Variants in LRP1B observed in about 807,000 individuals in gnomAD.
LRP1B encodes low-density lipoprotein receptor-related protein 1B.
Under a neutral mutation model 556.6 loss-of-function variants are expected in LRP1B, and 217 were observed. The ratio of observed to expected loss-of-function variants is 0.39; its 90% CI spans 0.35 to 0.44. The LOEUF (loss-of-function observed/expected upper bound fraction) is 0.44. Among genes scored for constraint, LRP1B ranks in the 20% least tolerant of loss-of-function variants. The probability of loss-of-function intolerance (pLI) is 1.00; values close to 1 mark genes in which losing one functional copy is unlikely to be tolerated. For synonymous variants in LRP1B, 2,047 were observed against 1,865.8 expected (o/e 1.10, Z -2.50); for missense variants, 5,053 against 5,620.8 (o/e 0.90, Z 3.23).
chr2:140,612,582 C>G (rs1280849783), intron 41 of LRP1B, among the ~76,000 whole-genome samples: 1 of 151,992 alleles, frequency 6.6e-6, no homozygotes, highest in Non-Finnish European at 1.5e-5. Flanking sequence ...GGTATGCATC[C>G]TCTCTCATCT....
intron 5 of LRP1B, among the ~76,000 whole-genome samples, chr2:141,245,101 G>A (rs1392867836): frequency 1.3e-5 from 2 of 152,172 alleles, no homozygotes; most frequent in Non-Finnish European, 2.9e-5. Flanking sequence ...GCACTAGTGT[G>A]TGGCTCAATA....
chr2:140,473,377 T>C (rs1445837888), intron 60 of LRP1B, among the ~76,000 whole-genome samples: 1 of 151,998 alleles, frequency 6.6e-6, no homozygotes, highest in Non-Finnish European at 1.5e-5. Context: ...AATAACATCA[T>C]ACTAGACTAT....
intron 1 of LRP1B, among the ~76,000 whole-genome samples, chr2:142,070,337 A>C (rs912702562): frequency 6.6e-6 from 1 of 151,806 alleles, no homozygotes; most frequent in Non-Finnish European, 1.5e-5. Flanking sequence ...GAGGCAGTTT[A>C]TCCACATTTT....
At chr2:140,833,824 A>G (rs991810061) in intron 31 of LRP1B, among the ~76,000 whole-genome samples, 1 of 152,170 alleles carries the variant, frequency 6.6e-6, no homozygotes, top group Non-Finnish European at 1.5e-5. Flanking sequence ...GGTTATGTTT[A>G]ATATGTTTTA....
chr2:142,023,978 G>A (rs891915703), intron 1 of LRP1B, among the ~76,000 whole-genome samples: 2 of 151,980 alleles, frequency 1.3e-5, no homozygotes, highest in Admixed American at 1.3e-4. Context: ...TACATTTTCA[G>A]TCTTTTAACA....
intron 43 of LRP1B, among the ~76,000 whole-genome samples, chr2:140,571,924 G>T (rs2105108116): frequency 6.6e-6 from 1 of 151,676 alleles, no homozygotes. Flanking sequence ...AGTGGTGTTG[G>T]GAAAACTAGA....
At chr2:140,717,248 A>G (rs572965586) in intron 35 of LRP1B, among the ~76,000 whole-genome samples, 7 of 152,192 alleles carry the variant, frequency 4.6e-5, no homozygotes, top group African/African-American at 1.7e-4. Context: ...TCAACTCAAC[A>G]AAACCTCAAA....
intron 1 of LRP1B, among the ~76,000 whole-genome samples, chr2:142,045,267 A>G (rs1338866406): frequency 6.6e-6 from 1 of 151,800 alleles, no homozygotes; most frequent in Non-Finnish European, 1.5e-5. Flanking sequence ...CTACTTTTAA[A>G]TCACTTCTAT....
chr2:140,510,416 AT>A (rs1689602276), intron 51 of LRP1B, among the ~76,000 whole-genome samples: 1 of 152,210 alleles, frequency 6.6e-6, no homozygotes, highest in Non-Finnish European at 1.5e-5. Flanking sequence ...AAATAATGCC[AT>A]TTTTATTGCT....
At chr2:140,536,085 G>A (rs1337450682) in intron 46 of LRP1B, among the ~76,000 whole-genome samples, 1 of 151,940 alleles carries the variant, frequency 6.6e-6, no homozygotes, top group Non-Finnish European at 1.5e-5. Context: ...AAGAAAGTAA[G>A]CCTAAAACCT....
At chr2:140,937,305 A>G (rs146878242) in intron 20 of LRP1B, among the ~76,000 whole-genome samples, 2 of 152,268 alleles carry the variant, frequency 1.3e-5, no homozygotes, top group African/African-American at 4.8e-5. Context: ...AGTATGGAAG[A>G]AACTTGGTGA....
chr2:142,026,851 G>A (rs1323100346), intron 1 of LRP1B, among the ~76,000 whole-genome samples: 1 of 151,944 alleles, frequency 6.6e-6, no homozygotes, highest in Admixed American at 6.6e-5. Context: ...TTGGGACCAG[G>A]AATGGGTTAT....
intron 2 of LRP1B, among the ~76,000 whole-genome samples, chr2:141,718,988 A>G (rs1056409121): frequency 5.9e-5 from 9 of 152,118 alleles, no homozygotes; most frequent in Admixed American, 3.3e-4. Flanking sequence ...GGGGTTTTAA[A>G]GAAATCAAAG....
At chr2:140,523,728 C>G (rs1456066497) in intron 49 of LRP1B, among the ~76,000 whole-genome samples, 1 of 151,808 alleles carries the variant, frequency 6.6e-6, no homozygotes, top group East Asian at 1.9e-4. Context: ...ACACAAAGTT[C>G]AAGCTGAGGG....
In LRP1B at chr2:140,786,763, G is replaced by A. The variant is rs77549916; in HGVS notation, c.5360-10525C>T. On this transcript the variant is annotated intron_variant, in intron 32 of 90. Transcript: ENST00000389484. The stretch of plus-strand genomic sequence containing the variant: ...TTCATTGTTATATTGAGAGACTTGT[G>A]TCATGGAGAGCTGAAGGGGCAGTCT... 1.5e-3 allele frequency among the ~76,000 whole-genome samples: 225 copies of A among 152,198 alleles called. 2 individuals are homozygous for A. In the East Asian group the frequency reaches 0.03, roughly 20 times the overall value.
intron 2 of LRP1B, among the ~76,000 whole-genome samples, chr2:141,610,673 C>G (rs1688078626): frequency 1.3e-5 from 2 of 152,158 alleles, no homozygotes. Flanking sequence ...CACCATTTGG[C>G]TGGGAATTCC....
intron 1 of LRP1B, among the ~76,000 whole-genome samples, chr2:142,036,018 C>T (rs1461714847): frequency 4.6e-5 from 7 of 151,630 alleles, no homozygotes; most frequent in African/African-American, 1.5e-4. Context: ...TACCTCCCGC[C>T]GTGATTCTGA....
intron 2 of LRP1B, among the ~76,000 whole-genome samples, chr2:141,573,007 T>C (rs926242920): frequency 6.6e-6 from 1 of 152,200 alleles, no homozygotes; most frequent in Non-Finnish European, 1.5e-5. Flanking sequence ...TGGGATACTT[T>C]AACACCCACC....
At chr2:140,239,679 GTTA>G (rs1350087124) in intron 87 of LRP1B, 147 bp from the exon 88 acceptor site, 4 of 511,286 alleles carry the variant, frequency 7.8e-6, no homozygotes, top group Non-Finnish European at 1.4e-5. Context: ...TCATAATTAT[GTTA>G]TTGGAAAATC....
Sources: gnomAD v4.1 joint callset for allele counts (sites outside exome capture counted in the v4.1 genomes callset) on GRCh38, gnomAD v4.1.1 for gene constraint, MANE v1.5 for transcripts, NCBI Gene and HGNC (gene_info 2026-07-23, HGNC 2026-07-21) for gene names.